The following FUCA1 variants were observed in gnomAD, a reference collection of about 807,000 sequenced individuals.
FUCA1 encodes the protein alpha-L-fucosidase 1.
A neutral mutation model predicts 56.8 loss-of-function variants in FUCA1; 52 were observed. The ratio of observed to expected loss-of-function variants is 0.92; its 90% confidence interval spans 0.73 to 1.15. The LOEUF (loss-of-function observed/expected upper bound fraction) is 1.15. FUCA1 is among the 50% of genes most tolerant of loss of function. The pLI is 0.00. For synonymous variants in FUCA1, 230 were observed against 226.6 expected (o/e 1.02, Z -0.14); for missense variants, 568 against 592.6 (o/e 0.96, Z 0.43).
At chr1:23,856,393 G>A (rs1264448278) in intron 4 of FUCA1, among the ~76,000 whole-genome samples, 1 of 152,110 alleles carries the variant, frequency 6.6e-6, no homozygotes, top group Non-Finnish European at 1.5e-5. Flanking sequence ...CCTCCACTTT[G>A]GCATTCGAAC....
At chr1:23,862,269 G>C (rs1639525800) in intron 3 of FUCA1, among the ~76,000 whole-genome samples, 1 of 152,172 alleles carries the variant, frequency 6.6e-6, no homozygotes, top group African/African-American at 2.4e-5. Context: ...TGGTTCAAGA[G>C]ATTCTCCTGC....
At chr1:23,856,137 A>T (rs1639384175) in intron 4 of FUCA1, among the ~76,000 whole-genome samples, 1 of 152,204 alleles carries the variant, frequency 6.6e-6, no homozygotes, top group Non-Finnish European at 1.5e-5. Context: ...TATAAAAACA[A>T]ACAAACAAAA....
chr1:23,849,022 C>A (rs1639203582), intron 5 of FUCA1, among the ~76,000 whole-genome samples, 183 bp from the exon 6 acceptor site: 1 of 151,664 alleles, frequency 6.6e-6, no homozygotes. Flanking sequence ...GGCTAGAGTG[C>A]AATGGCGTGA....
At position 23,867,524 on chromosome 1, in the gene FUCA1, A is replaced by T. The variant is rs3003333; in HGVS notation, c.389+374T>A. ...GAGGCTGCAGGGAGGCTGAAGTGACATGTCCAGGTTCACAGTTGAATTAGA... is the reference window on the plus strand; with the variant it reads ...GAGGCTGCAGGGAGGCTGAAGTGACTTGTCCAGGTTCACAGTTGAATTAGA... On this transcript the variant is annotated intron_variant, in intron 1 of 7. Transcript: ENST00000374479. This position sits in a 1 kb window ranked among gnomAD's most constrained non-coding sequence, Gnocchi z 4.9. Among the ~76,000 whole-genome samples the T allele has an allele frequency of 0.42, 63,203 of 151,926 alleles. 13,099 individuals carry two copies. Among genetic ancestry groups the T allele is most frequent in the East Asian group, 0.47 (2,445 of 5,164 alleles).
At chr1:23,853,539 A>G (rs1407581781) in intron 5 of FUCA1, among the ~76,000 whole-genome samples, 74 of 148,748 alleles carry the variant, frequency 5.0e-4, no homozygotes, top group Admixed American at 3.9e-3. Flanking sequence ...CCCTCTGCCC[A>G]GCCACCACCC....
intron 4 of FUCA1, 134 bp from the exon 5 acceptor site, chr1:23,854,694 G>A: frequency 1.3e-6 from 1 of 752,176 alleles, no homozygotes; most frequent in Non-Finnish European, 2.3e-6. Context: ...GGGCAATTTT[G>A]CTCTGGAGGG....
At chr1:23,866,177 T>G (rs914416271) in intron 1 of FUCA1, among the ~76,000 whole-genome samples, 2 of 152,166 alleles carry the variant, frequency 1.3e-5, no homozygotes, top group African/African-American at 4.8e-5. Flanking sequence ...CCGGGCATGG[T>G]GGTGTGTGCC....
chr1:23,866,263 G>T (rs527979779), intron 1 of FUCA1, among the ~76,000 whole-genome samples: 1 of 152,338 alleles, frequency 6.6e-6, no homozygotes, highest in African/African-American at 2.4e-5. Context: ...AGTGAGCCGA[G>T]ATCATGCAAC....
intron 2 of FUCA1, among the ~76,000 whole-genome samples, chr1:23,864,706 CTTT>C (rs563678936): frequency 7.2e-5 from 10 of 138,504 alleles, no homozygotes; most frequent in Admixed American, 7.3e-5. Flanking sequence ...TGTCTTTTTT[CTTT>C]TTTTTTTTTT....
At chr1:23,864,046 T>C (rs1296615027) in intron 2 of FUCA1, among the ~76,000 whole-genome samples, 1 of 152,040 alleles carries the variant, frequency 6.6e-6, no homozygotes, top group Non-Finnish European at 1.5e-5. Flanking sequence ...TTTATCGTTT[T>C]ATTTATCTAA....
chr1:23,867,948 G>A lies in FUCA1; in HGVS notation c.339C>T (p.Arg113=), dbSNP rs558060888. 3.6e-5 allele frequency: 57 copies of A among 1,574,224 alleles called. No homozygotes were observed. The African/African-American group carries it at 6.9e-4, about 19-fold the overall frequency. The change falls in exon 1 of 8, where the codon CGC becomes CGT. Residue 113 remains arginine, a synonymous_variant. Transcript: ENST00000374479. This position sits in a 1 kb window ranked among gnomAD's most constrained non-coding sequence, Gnocchi z 4.9. ...YADFGPQFTA[R]FFHPEEWADL... Reference sequence around the variant, plus strand: ...CGGCCCACTCCTCCGGGTGGAAGAAGCGCGCAGTGAACTGCGGTCCGAAGT... The same window carrying A: ...CGGCCCACTCCTCCGGGTGGAAGAAACGCGCAGTGAACTGCGGTCCGAAGT...
At chr1:23,855,807 G>C (rs1051719420) in intron 4 of FUCA1, among the ~76,000 whole-genome samples, 4 of 152,104 alleles carry the variant, frequency 2.6e-5, no homozygotes, top group Admixed American at 2.0e-4. Flanking sequence ...AGAAAAATGG[G>C]GTATTAACAA....
intron 2 of FUCA1, among the ~76,000 whole-genome samples, 183 bp downstream of exon 2, chr1:23,865,308 C>A (rs1035305753): frequency 4.6e-5 from 7 of 152,150 alleles, no homozygotes; most frequent in African/African-American, 1.7e-4. Context: ...AATTCAAAGG[C>A]CAGAAGCCCT....
rs971881868 is a variant in FUCA1 at position 23,845,120 on chromosome 1, A to T, written c.*595T>A. 1.9e-5 allele frequency: 3 copies of T among 155,956 alleles called. No homozygotes were observed. Among genetic ancestry groups the T allele is most frequent in the African/African-American group, 7.2e-5 (3 of 41,470 alleles). The allele number at this position is 155,956 out of a possible 1,614,324, so 9.7% of individuals were successfully genotyped here. On this transcript the variant is annotated 3_prime_UTR_variant, in exon 8 of 8. Coordinates refer to ENST00000374479, the MANE Select transcript of FUCA1 (RefSeq NM_000147.5). ...TTGTGATGTACAAATTTTTTATTTG[A>T]TCATACTTAAAAAGACAGAGCAGAA...
rs864309552 is a variant in FUCA1, at chr1:23,863,274, T to TAAACAGAA, written c.525-11_525-4dup. 6.2e-6 allele frequency: 10 copies of TAAACAGAA among 1,612,380 alleles called. No individual in the cohort carries two copies. The Middle Eastern group carries it at 1.0e-3, about 162-fold the overall frequency. ...GGTATAGTCCATAGCGGATGTTCCT[T>TAAACAGAA]AAACAGAAAAACAGAACAGCAACTG... On this transcript the variant is annotated splice_region_variant and splice_polypyrimidine_tract_variant and intron_variant, in intron 2 of 7. Transcript: ENST00000374479.
At chr1:23,851,866 G>C (rs1639266546) in intron 5 of FUCA1, among the ~76,000 whole-genome samples, 1 of 152,036 alleles carries the variant, frequency 6.6e-6, no homozygotes, top group Non-Finnish European at 1.5e-5. Flanking sequence ...TGGAATGTGG[G>C]GGTGAGGGGA....
intron 2 of FUCA1, among the ~76,000 whole-genome samples, chr1:23,864,072 C>A (rs1339525597): frequency 6.8e-6 from 1 of 147,396 alleles, no homozygotes; most frequent in African/African-American, 2.5e-5. Flanking sequence ...ACTAATAGTT[C>A]TTTCTCTTTT....
At chr1:23,850,923 C>A (rs558919223) in intron 5 of FUCA1, among the ~76,000 whole-genome samples, 9 of 152,134 alleles carry the variant, frequency 5.9e-5, no homozygotes, top group Non-Finnish European at 1.0e-4. Context: ...CCACCATGCC[C>A]AGCCAATATG....
chr1:23,854,732 T>C (rs1035336413), intron 4 of FUCA1, among the ~76,000 whole-genome samples, 172 bp from the exon 5 acceptor site: 2 of 152,208 alleles, frequency 1.3e-5, no homozygotes, highest in Admixed American at 1.3e-4. Context: ...AGAGACATTT[T>C]TGATTGTCAC....
Sources: allele counts gnomAD v4.1 joint callset (sites outside exome capture counted in the v4.1 genomes callset), GRCh38; gene constraint gnomAD v4.1.1; non-coding constraint Gnocchi (gnomAD v3.1); transcripts MANE v1.5; gene names NCBI Gene and HGNC (gene_info 2026-07-23, HGNC 2026-07-21).